PCYT1A: variants seen among roughly 807,000 people sequenced by gnomAD.
The protein encoded by PCYT1A is choline-phosphate cytidylyltransferase A.
A neutral mutation model predicts 43.7 loss-of-function variants in PCYT1A; 25 were observed. The ratio of observed to expected loss-of-function variants is 0.57; its 90% CI spans 0.42 to 0.80. The LOEUF is 0.80. PCYT1A is among the 30% of genes least tolerant of loss of function. The probability of loss-of-function intolerance (pLI) is 0.00; values close to 1 mark genes in which losing one functional copy is unlikely to be tolerated. For synonymous variants in PCYT1A, 172 were observed against 170.7 expected, an observed-to-expected ratio of 1.01 and a Z score of -0.06; for missense variants, 421 against 474.2, an observed-to-expected ratio of 0.89 and a Z score of 1.04.
rs142203063 is a variant in PCYT1A at position 196,277,669 on chromosome 3, G to C, written c.-10-7128C>G. Among the ~76,000 whole-genome samples, 772 of 152,110 alleles carry C rather than the reference G, an allele frequency of 5.1e-3. 8 individuals carry two copies. The highest frequency in any genetic ancestry group is 0.017 in the African/African-American group (724 of 41,488). On this transcript the variant is annotated intron_variant, in intron 1 of 8. Coordinates refer to ENST00000431016, the MANE Select transcript of PCYT1A (RefSeq NM_001312673.2). This position sits in a 1 kb window ranked among gnomAD's most constrained non-coding sequence, Gnocchi z 4.1. ...GTGGATCACATGAGGTCAGGAGTTC[G>C]CAACCAGCCTGGCCAACATGGTGAA...
In PCYT1A at chr3:196,247,695, T is replaced by TA. The variant is rs1439238467; in HGVS notation, c.335-178dup. 1.4e-6 allele frequency: 1 copy of TA among 703,150 alleles called. No homozygotes were observed. The highest frequency in any genetic ancestry group is 1.7e-5 in the African/African-American group (1 of 57,254). The allele number at this position is 703,150 out of a possible 1,614,324, so 43.6% of individuals were successfully genotyped here. On this transcript the variant is annotated intron_variant, in intron 4 of 8. Coordinates refer to ENST00000431016, the MANE Select transcript of PCYT1A (RefSeq NM_001312673.2). This position sits in a 1 kb window ranked among gnomAD's most constrained non-coding sequence, Gnocchi z 4.8. ...ATAACGCTTTTCCTAATGCAGCGTA[T>TA]ACCTTCAGGAGCAACACTCACTAAA... is the stretch of plus-strand genomic sequence containing the variant.
chr3:196,240,077 C>T lies in PCYT1A; in HGVS notation c.709-342G>A, dbSNP rs564832419. ...AGCATGGCCCGAACCTCATTCCAGA[C>T]GGAGATACAGAGGCAGCTAAAAGAT... On this transcript the variant is annotated intron_variant, in intron 7 of 8. Coordinates refer to ENST00000431016, the MANE Select transcript of PCYT1A (RefSeq NM_001312673.2). 51 of 237,488 alleles carry T rather than the reference C, an allele frequency of 2.1e-4. No individual in the cohort carries two copies. The East Asian group carries it at 3.0e-3, about 14-fold the overall frequency. 14.7% of individuals were successfully genotyped at this position (237,488 alleles called of 1,614,324 possible).
chr3:196,264,908 G>A (rs1344339395), intron 2 of PCYT1A, among the ~76,000 whole-genome samples: 2 of 150,294 alleles, frequency 1.3e-5, no homozygotes, highest in Non-Finnish European at 3.0e-5. Context: ...AGAGGTTCTC[G>A]AAACATTTTG....
rs749602269 is a variant in PCYT1A, at chr3:196,247,548, G to A, written c.335-30C>T. ...TTCACCACATCATAAATTGTGTGTT[G>A]GAGTCCTCTTTGCTTAGCACCTCCT... On this transcript the variant is annotated intron_variant, in intron 4 of 8. Transcript: ENST00000431016. This position sits in a 1 kb window ranked among gnomAD's most constrained non-coding sequence, Gnocchi z 4.8. 6.2e-7 allele frequency: 1 copy of A among 1,611,638 alleles called. No homozygotes were observed.
At chr3:196,255,315 T>C (rs955959396) in intron 3 of PCYT1A, among the ~76,000 whole-genome samples, 6 of 152,220 alleles carry the variant, frequency 3.9e-5, no homozygotes, top group African/African-American at 1.4e-4. Flanking sequence ...AGTAGCACCA[T>C]TCCCGGGTGA....
intron 7 of PCYT1A, 183 bp downstream of exon 7, chr3:196,241,765 C>T: frequency 1.7e-6 from 2 of 1,194,358 alleles, no homozygotes; most frequent in Non-Finnish European, 2.4e-6. Flanking sequence ...TGGTACCAGA[C>T]CGTAACGGCA....
At chr3:196,254,659 T>C (rs1724901362) in intron 3 of PCYT1A, among the ~76,000 whole-genome samples, 1 of 152,208 alleles carries the variant, frequency 6.6e-6, no homozygotes, top group Admixed American at 6.5e-5. Flanking sequence ...CCTCTGTATA[T>C]TATTAACAGC....
At chr3:196,243,686 G>A (rs1044118579) in intron 5 of PCYT1A, among the ~76,000 whole-genome samples, 4 of 152,354 alleles carry the variant, frequency 2.6e-5, no homozygotes, top group Non-Finnish European at 2.9e-5. Flanking sequence ...GGCGCACGCC[G>A]CCACGCCTGA....
intron 1 of PCYT1A, among the ~76,000 whole-genome samples, chr3:196,280,574 T>G (rs1263694115): frequency 1.4e-5 from 2 of 147,404 alleles, no homozygotes; most frequent in African/African-American, 2.5e-5. Context: ...TTTATTGTTT[T>G]TTTTTTTTTT....
intron 1 of PCYT1A, among the ~76,000 whole-genome samples, chr3:196,276,492 A>C (rs900610506): frequency 6.6e-6 from 1 of 151,754 alleles, no homozygotes; most frequent in Admixed American, 6.6e-5. Context: ...AATCCCAGCT[A>C]CTCAGGAGAC....
At chr3:196,245,175 T>C (rs1724523272) in intron 5 of PCYT1A, among the ~76,000 whole-genome samples, 1 of 150,552 alleles carries the variant, frequency 6.6e-6, no homozygotes, top group Admixed American at 6.6e-5. Flanking sequence ...CGAGTCTCGC[T>C]CTGTCGCCCA....
intron 2 of PCYT1A, chr3:196,267,368 G>C (rs116439183): frequency 2.2e-6 from 1 of 454,730 alleles, no homozygotes; most frequent in Admixed American, 2.4e-5. Flanking sequence ...TGGAGAGACT[G>C]GGGGGAAATG....
At chr3:196,274,895 G>GTGTATA (rs1295234762) in intron 1 of PCYT1A, among the ~76,000 whole-genome samples, 3 of 152,104 alleles carry the variant, frequency 2.0e-5, no homozygotes, top group Non-Finnish European at 4.4e-5. Flanking sequence ...AAATTAAAAT[G>GTGTATA]GAAGAAGGGT....
intron 3 of PCYT1A, among the ~76,000 whole-genome samples, chr3:196,256,471 C>A (rs1001229394): frequency 6.6e-6 from 1 of 152,106 alleles, no homozygotes; most frequent in Non-Finnish European, 1.5e-5. Context: ...GCCTGGGCAA[C>A]AGAGTGAGAC....
rs1724836105 is a variant in PCYT1A at position 196,252,617 on chromosome 3, G to A, written c.218-4294C>T. Among the ~76,000 whole-genome samples the A allele has an allele frequency of 6.6e-6, 1 of 152,168 alleles. No individual in the cohort carries two copies. The highest frequency in any genetic ancestry group is 6.5e-5 in the Admixed American group (1 of 15,270). On this transcript the variant is annotated intron_variant, in intron 3 of 8. Coordinates refer to ENST00000431016, the MANE Select transcript of PCYT1A (RefSeq NM_001312673.2). This position sits in a 1 kb window ranked among gnomAD's most constrained non-coding sequence, Gnocchi z 4.0. The stretch of plus-strand genomic sequence containing the variant: ...ATATACCAATCCAATGAAAAACTAA[G>A]AATTAATTAATGGATTTAAGAGTCA...
In PCYT1A at chr3:196,234,600, G is replaced by C. The variant is rs1724113989; in HGVS notation, c.*4088C>G. 6.6e-6 allele frequency: 1 copy of C among 152,166 alleles called. No homozygotes were observed. The highest frequency in any genetic ancestry group is 2.4e-5 in the African/African-American group (1 of 41,432). The allele number at this position is 152,166 out of a possible 1,614,324, so 9.4% of individuals were successfully genotyped here. On this transcript the variant is annotated 3_prime_UTR_variant, in exon 9 of 9. Transcript: ENST00000431016. ...AAACAACCCAACTAATCCAGGATAT[G>C]TGTTCAAAACAGTCAGTTTTCCCCC...
rs1725682456 is a variant in PCYT1A, at chr3:196,279,275, T to G, written c.-11+8340A>C. On this transcript the variant is annotated intron_variant, in intron 1 of 8. Coordinates refer to ENST00000431016, the MANE Select transcript of PCYT1A (RefSeq NM_001312673.2). ...TGCACTCCAACCTGGGTGACAAGAG[T>G]GAAACTCTATCAAAAAAAAAAAAAA... 5.6e-5 allele frequency among the ~76,000 whole-genome samples: 7 copies of G among 125,296 alleles called. No individual in the cohort carries two copies. In the East Asian group the frequency reaches 7.1e-4, roughly 13 times the overall value. The allele number at this position is 125,296 out of a possible 152,430, so 82.2% of individuals were successfully genotyped here. A position where few individuals can be genotyped will look rare whatever the true frequency, so the allele number is the denominator to read the frequency against.
At position 196,276,100 on chromosome 3, in the gene PCYT1A, A is replaced by G. The variant is rs1285886059; in HGVS notation, c.-10-5559T>C. On this transcript the variant is annotated intron_variant, in intron 1 of 8. Transcript: ENST00000431016. ...CGCCAGAGTGAGACTCCGTCTCCAA[A>G]AAAAAAAAAAACCAAAACAAAATAA... Among the ~76,000 whole-genome samples the G allele has an allele frequency of 2.0e-5, 3 of 151,412 alleles. No individual in the cohort carries two copies. In the South Asian group the frequency reaches 6.2e-4, roughly 31 times the overall value.
intron 1 of PCYT1A, among the ~76,000 whole-genome samples, chr3:196,278,036 A>G (rs971697425): frequency 2.6e-5 from 4 of 152,200 alleles, no homozygotes; most frequent in African/African-American, 9.6e-5. Flanking sequence ...AATCATGGAA[A>G]AAGGTACCCC....
Sources: gnomAD v4.1 joint callset for allele counts (sites outside exome capture counted in the v4.1 genomes callset) on GRCh38, gnomAD v4.1.1 for gene constraint, Gnocchi (gnomAD v3.1) non-coding constraint, MANE v1.5 for transcripts, NCBI Gene and HGNC (gene_info 2026-07-23, HGNC 2026-07-21) for gene names.